The following HDGFL3 variants were observed in gnomAD, a reference collection of about 807,000 sequenced individuals.
HDGFL3 encodes HDGF like 3.
A neutral mutation model predicts 27.6 loss-of-function variants in HDGFL3; 6 were observed. That is an observed-to-expected ratio of 0.22 (90% confidence interval 0.12 to 0.43). The LOEUF is 0.43. Among genes scored for constraint, HDGFL3 ranks in the 20% least tolerant of loss-of-function variants. The pLI, the probability that HDGFL3 is intolerant of heterozygous loss-of-function variation, is 1.00. For synonymous variants in HDGFL3, 88 were observed against 88.9 expected, an observed-to-expected ratio of 0.99 and a Z score of 0.05; for missense variants, 207 against 250.1, an observed-to-expected ratio of 0.83 and a Z score of 1.16.
At chr15:83,141,300 A>G (rs2036765754) in intron 5 of HDGFL3, among the ~76,000 whole-genome samples, 1 of 152,172 alleles carries the variant, frequency 6.6e-6, no homozygotes, top group African/African-American at 2.4e-5. Flanking sequence ...TGTGAGGCAC[A>G]CTGAGAGGCT....
rs2037095993 is a variant in HDGFL3, at chr15:83,161,067, C to T, written c.161+2932G>A. On this transcript the variant is annotated intron_variant, in intron 2 of 5. Coordinates refer to ENST00000299633, the MANE Select transcript of HDGFL3 (RefSeq NM_016073.4). The stretch of plus-strand genomic sequence containing the variant: ...AAATGGACTTTGTGTATGGCAACTT[C>T]ACTTTTAGAAGAATTTGTCGTGAAT... Among the ~76,000 whole-genome samples, 3 of 152,212 alleles carry T rather than the reference C, an allele frequency of 2.0e-5. 1 individual carries two copies. Among genetic ancestry groups the T allele is most frequent in the Admixed American group, 2.0e-4 (3 of 15,278 alleles).
At chr15:83,172,984 G>T (rs777032468) in intron 1 of HDGFL3, among the ~76,000 whole-genome samples, 3 of 152,146 alleles carry the variant, frequency 2.0e-5, no homozygotes, top group Non-Finnish European at 4.4e-5. Flanking sequence ...AGAGGTGGAA[G>T]AAAATTCACG....
At chr15:83,167,300 A>G (rs1471363020) in intron 1 of HDGFL3, among the ~76,000 whole-genome samples, 1 of 152,228 alleles carries the variant, frequency 6.6e-6, no homozygotes, top group African/African-American at 2.4e-5. Flanking sequence ...TCACCCCTGT[A>G]ATCTCAACAC....
Position 83,133,826 on chromosome 15 carries a change from G to T in HDGFL3, c.*5444C>A, listed in dbSNP as rs2036430155. ...GGTGAGACTGTTTTTCTGAACTTCA[G>T]AACCCTGAACACTTAACATCCTATG... On this transcript the variant is annotated 3_prime_UTR_variant, in exon 6 of 6. Coordinates refer to ENST00000299633, the MANE Select transcript of HDGFL3 (RefSeq NM_016073.4). 1 of 152,210 alleles carries T rather than the reference G, an allele frequency of 6.6e-6. No individual in the cohort carries two copies. Among genetic ancestry groups the T allele is most frequent in the Non-Finnish European group, 1.5e-5 (1 of 68,056 alleles). 9.4% of individuals were successfully genotyped at this position (152,210 alleles called of 1,614,324 possible). A position where few individuals can be genotyped will look rare whatever the true frequency, so the allele number is the denominator to read the frequency against.
chr15:83,147,644 C>T (rs2036914542), intron 5 of HDGFL3, among the ~76,000 whole-genome samples: 1 of 151,988 alleles, frequency 6.6e-6, no homozygotes, highest in Non-Finnish European at 1.5e-5. Context: ...CAGAGAGAGA[C>T]CTATGAATAT....
chr15:83,185,206 T>G (rs1893313718), intron 1 of HDGFL3: 1 of 152,248 alleles, frequency 6.6e-6, no homozygotes, highest in South Asian at 2.1e-4. Flanking sequence ...GTATTTTTAG[T>G]AGAGACAGGG....
chr15:83,141,958 A>G (rs2036780194), intron 5 of HDGFL3, among the ~76,000 whole-genome samples: 1 of 152,210 alleles, frequency 6.6e-6, no homozygotes, highest in African/African-American at 2.4e-5. Flanking sequence ...AATGCAAATC[A>G]AAACTGCAGT....
At chr15:83,177,490 C>A (rs2037327163) in intron 1 of HDGFL3, among the ~76,000 whole-genome samples, 1 of 152,128 alleles carries the variant, frequency 6.6e-6, no homozygotes, top group African/African-American at 2.4e-5. Flanking sequence ...ACTTGAATTA[C>A]AAAATATAAA....
At chr15:83,196,742 A>T (rs1302494609) in intron 1 of HDGFL3, among the ~76,000 whole-genome samples, 1 of 152,234 alleles carries the variant, frequency 6.6e-6, no homozygotes, top group Non-Finnish European at 1.5e-5. Context: ...AGAATTGATT[A>T]ACAAAAAAGG....
chr15:83,121,858 T>C, intron 3 of HDGFL3: 1 of 1,175,248 alleles, frequency 8.5e-7, no homozygotes, highest in South Asian at 1.3e-5. Flanking sequence ...TGAAGATCAT[T>C]TTTTGCTTAG....
At chr15:83,203,150 T>G (rs921933351) in intron 1 of HDGFL3, among the ~76,000 whole-genome samples, 2 of 152,068 alleles carry the variant, frequency 1.3e-5, no homozygotes, top group Admixed American at 6.5e-5. Flanking sequence ...AAAAAGTGCT[T>G]TAGTTAAAGC....
intron 3 of HDGFL3, among the ~76,000 whole-genome samples, chr15:83,121,521 T>C (rs909430742): frequency 2.6e-5 from 4 of 152,234 alleles, no homozygotes; most frequent in African/African-American, 9.6e-5. Context: ...CATTTAACAT[T>C]ATCATTGTAA....
At chr15:83,200,664 T>C (rs1206247855) in intron 1 of HDGFL3, among the ~76,000 whole-genome samples, 1 of 152,166 alleles carries the variant, frequency 6.6e-6, no homozygotes, top group Non-Finnish European at 1.5e-5. Flanking sequence ...AGAATTATCA[T>C]CCATCCTATT....
exon 4 of HDGFL3, chr15:83,115,728 G>T: frequency 1.3e-6 from 1 of 768,966 alleles, no homozygotes. Context: ...CTCGATAATT[G>T]TCCACAGCAT....
rs2036691385 is a variant in HDGFL3, at chr15:83,138,170, T to C, written c.*1100A>G. 1 of 152,614 alleles carries C rather than the reference T, an allele frequency of 6.6e-6. No homozygotes were observed. The highest frequency in any genetic ancestry group is 2.1e-4 in the South Asian group (1 of 4,836). The allele number at this position is 152,614 out of a possible 1,614,324, so 9.5% of individuals were successfully genotyped here. ...GTTTGCTTACAACCTCAAATCTTACTCCCAGTACACATTCCAATAAATTTA... is the reference window on the plus strand; with the variant it reads ...GTTTGCTTACAACCTCAAATCTTACCCCCAGTACACATTCCAATAAATTTA... On this transcript the variant is annotated 3_prime_UTR_variant, in exon 6 of 6. Coordinates refer to ENST00000299633, the MANE Select transcript of HDGFL3 (RefSeq NM_016073.4).
At chr15:83,177,718 A>G (rs900449939) in intron 1 of HDGFL3, among the ~76,000 whole-genome samples, 6 of 152,152 alleles carry the variant, frequency 3.9e-5, no homozygotes, top group African/African-American at 1.4e-4. Context: ...TTTAATTTTT[A>G]TATGTTATGT....
intron 1 of HDGFL3, among the ~76,000 whole-genome samples, chr15:83,195,125 T>C (rs932764113): frequency 2.0e-5 from 3 of 152,178 alleles, no homozygotes; most frequent in African/African-American, 7.2e-5. Flanking sequence ...CAATTAAAAA[T>C]GTCTCCATGT....
At chr15:83,177,325 T>C (rs761025123) in intron 1 of HDGFL3, among the ~76,000 whole-genome samples, 4 of 152,270 alleles carry the variant, frequency 2.6e-5, no homozygotes, top group African/African-American at 7.2e-5. Context: ...CTGAATTTAA[T>C]TGCCATGGAG....
downstream of HDGFL3, chr15:83,124,819 T>C (rs1158782877): frequency 6.9e-7 from 1 of 1,439,152 alleles, no homozygotes; most frequent in Non-Finnish European, 9.7e-7. Context: ...GTGATACTAC[T>C]CACATTTCCA....
Sources: allele counts gnomAD v4.1 joint callset (sites outside exome capture counted in the v4.1 genomes callset), GRCh38; gene constraint gnomAD v4.1.1; transcripts MANE v1.5; gene names NCBI Gene and HGNC (gene_info 2026-07-23, HGNC 2026-07-21).